Variants in NUP160 observed in about 807,000 individuals in gnomAD.
NUP160 encodes the protein nuclear pore complex protein Nup160.
NUP160 carries 94 observed loss-of-function variants against 196.9 expected under a neutral mutation model. The observed-to-expected ratio is 0.48, with a 90% confidence interval of 0.40 to 0.57. NUP160 has a LOEUF of 0.57. Ranked by LOEUF, NUP160 falls within the 20% of genes least tolerant of loss-of-function variation. The pLI, the probability that NUP160 is intolerant of heterozygous loss-of-function variation, is 0.00. For synonymous variants in NUP160, 605 were observed against 619.7 expected, an observed-to-expected ratio of 0.98 and a Z score of 0.35; for missense variants, 1,638 against 1,748.3, an observed-to-expected ratio of 0.94 and a Z score of 1.13.
intron 23 of NUP160, among the ~76,000 whole-genome samples, chr11:47,801,357 T>C (rs1423296452): frequency 6.6e-5 from 10 of 152,142 alleles, no homozygotes; most frequent in Admixed American, 6.6e-4. Flanking sequence ...AATTTCTTTT[T>C]GTTTTTTTTT....
At chr11:47,813,096 T>A in intron 14 of NUP160, 49 bp from the exon 15 acceptor site, 1 of 1,252,408 alleles carries the variant, frequency 8.0e-7, no homozygotes, top group Non-Finnish European at 1.1e-6. Context: ...AATGACAATC[T>A]ATTGATTGAT....
chr11:47,797,993 C>T lies in NUP160; in HGVS notation c.3168G>A (p.Val1056=), dbSNP rs370192349. 1.1e-5 allele frequency: 17 copies of T among 1,577,254 alleles called. No homozygotes were observed. In the African/African-American group the frequency reaches 1.9e-4, roughly 17 times the overall value. The change falls in exon 26 of 36, where the codon GTG becomes GTA. Residue 1056 remains valine, a synonymous_variant. Transcript: ENST00000378460. ...GTAAAATTACCTCATTATGCAGATT[C>T]ACATAGGGAAACTCTACAAGATCCT...
At chr11:47,837,392 T>C (rs1852197402) in intron 5 of NUP160, among the ~76,000 whole-genome samples, 153 bp downstream of exon 5, 1 of 152,240 alleles carries the variant, frequency 6.6e-6, no homozygotes, top group Non-Finnish European at 1.5e-5. Flanking sequence ...CTCGGGAGTG[T>C]GGCTTTCCTC....
Position 47,837,592 on chromosome 11 carries a change from ACT to A in NUP160, c.778_779del (p.Ser260PhefsTer18). ...CTGTAAGCAATCGTTGCATTACTGA[ACT>A]CTGTTTCAGTTCCACGACTGACACC... is the stretch of plus-strand genomic sequence containing the variant. On this transcript the variant is annotated frameshift_variant, in exon 5 of 36. Coordinates refer to ENST00000378460, the Ensembl canonical transcript of NUP160. LOFTEE classifies it high-confidence loss of function. 1 of 1,614,034 alleles carries A rather than the reference ACT, an allele frequency of 6.2e-7. No homozygotes were observed.
chr11:47,806,227 C>T, exon 20 of NUP160: 2 of 1,613,976 alleles, frequency 1.2e-6, no homozygotes, highest in Middle Eastern at 1.6e-4. Context: ...TCAGAGGTGC[C>T]TTTGGCTGAG....
chr11:47,798,085 A>G lies in NUP160; in HGVS notation c.3087-11T>C. 2.6e-6 allele frequency: 4 copies of G among 1,567,204 alleles called. No homozygotes were observed. Among genetic ancestry groups the G allele is most frequent in the Non-Finnish European group, 3.5e-6 (4 of 1,144,850 alleles). The stretch of plus-strand genomic sequence containing the variant: ...AAACAATCTAATTGCCTAGAAGGAA[A>G]GAAAGGAATATGAGGGCAAACTATC... On this transcript the variant is annotated splice_polypyrimidine_tract_variant and intron_variant, in intron 25 of 35. Transcript: ENST00000378460.
intron 23 of NUP160, among the ~76,000 whole-genome samples, chr11:47,798,941 T>TAAA (rs57343652): frequency 1.8e-5 from 2 of 112,032 alleles, no homozygotes; most frequent in Non-Finnish European, 3.7e-5. Context: ...TCTCTATTAT[T>TAAA]AAAAAAAAAA....
chr11:47,841,744 G>A, intron 2 of NUP160: 1 of 219,820 alleles, frequency 4.5e-6, no homozygotes, highest in South Asian at 6.4e-5. Context: ...CTGGGGTGCA[G>A]TGGTGCAATC....
In NUP160 at chr11:47,803,383, C is replaced by A; in HGVS notation, c.2775+55G>T. On this transcript the variant is annotated intron_variant, in intron 22 of 35. Transcript: ENST00000378460. The stretch of plus-strand genomic sequence containing the variant: ...AAAACCTAGTCAAATGGAAGCTAAG[C>A]AACTTCCTTGCGTTAAAGTTTATAA... 13 of 1,062,258 alleles carry A rather than the reference C, an allele frequency of 1.2e-5. No homozygotes were observed. In the South Asian group the frequency reaches 1.5e-4, roughly 12 times the overall value. 65.8% of individuals were successfully genotyped at this position (1,062,258 alleles called of 1,614,324 possible).
At chr11:47,839,202 T>C (rs968956861) in intron 4 of NUP160, among the ~76,000 whole-genome samples, 2 of 151,992 alleles carry the variant, frequency 1.3e-5, no homozygotes, top group East Asian at 3.9e-4. Context: ...AGCGATTCTC[T>C]TGCCTCAGCC....
At chr11:47,824,602 T>C (rs775956294) in intron 7 of NUP160, among the ~76,000 whole-genome samples, 11 of 151,816 alleles carry the variant, frequency 7.2e-5, no homozygotes, top group Non-Finnish European at 1.5e-4. Context: ...AGAGCGACTC[T>C]ATCTCAAAAA....
chr11:47,825,924 A>T (rs542889047), intron 7 of NUP160, among the ~76,000 whole-genome samples: 1 of 152,194 alleles, frequency 6.6e-6, no homozygotes, highest in South Asian at 2.1e-4. Flanking sequence ...CTGTAAATTG[A>T]TAAGAGTGAT....
intron 22 of NUP160, among the ~76,000 whole-genome samples, chr11:47,802,694 G>A (rs1235553585): frequency 6.6e-6 from 1 of 152,156 alleles, no homozygotes; most frequent in Non-Finnish European, 1.5e-5. Context: ...GTAAATTTGG[G>A]CTGTGTGCAG....
chr11:47,781,521 C>T (rs2097660833), intron 34 of NUP160, among the ~76,000 whole-genome samples: 1 of 152,086 alleles, frequency 6.6e-6, no homozygotes, highest in Non-Finnish European at 1.5e-5. Context: ...ACCTTGACCT[C>T]CGAAAGTGCT....
intron 19 of NUP160, among the ~76,000 whole-genome samples, chr11:47,806,788 TATACAC>T (rs1188849311): frequency 0.043 from 4,526 of 104,558 alleles, 104 homozygotes; most frequent in Middle Eastern, 0.087. Flanking sequence ...GGAAAGCAGC[TATACAC>T]ACACACACAC....
chr11:47,784,350 A>C (rs1266260086), intron 33 of NUP160, among the ~76,000 whole-genome samples: 1 of 152,210 alleles, frequency 6.6e-6, no homozygotes, highest in African/African-American at 2.4e-5. Context: ...AGAAGGAACC[A>C]ATCGGAAACT....
At chr11:47,796,835 G>T (rs1255684241) in intron 27 of NUP160, among the ~76,000 whole-genome samples, 1 of 152,154 alleles carries the variant, frequency 6.6e-6, no homozygotes, top group African/African-American at 2.4e-5. Flanking sequence ...TGAGATTACA[G>T]GCATCCGCCA....
chr11:47,805,102 G>C (rs545013580), intron 20 of NUP160, among the ~76,000 whole-genome samples: 2 of 151,594 alleles, frequency 1.3e-5, no homozygotes, highest in Non-Finnish European at 2.9e-5. Flanking sequence ...CTGGCATATA[G>C]AGTCATTCAA....
At position 47,794,886 on chromosome 11, in the gene NUP160, C is replaced by T. The variant is rs112309056; in HGVS notation, c.3290-1940G>A. On this transcript the variant is annotated intron_variant, in intron 27 of 35. Coordinates refer to ENST00000378460, the Ensembl canonical transcript of NUP160. ...CGAGATTATGCCACTGAACTCCAGC[C>T]TAGACGACAGAGCGGGACTCTGTCT... Among the ~76,000 whole-genome samples, 1,095 of 152,128 alleles carry T rather than the reference C, an allele frequency of 7.2e-3. 17 individuals are homozygous for T. The highest frequency in any genetic ancestry group is 0.024 in the African/African-American group (1,014 of 41,504).
Sources: gnomAD v4.1 joint callset for allele counts (sites outside exome capture counted in the v4.1 genomes callset) on GRCh38, gnomAD v4.1.1 for gene constraint, MANE v1.5 for transcripts, NCBI Gene and HGNC (gene_info 2026-07-23, HGNC 2026-07-21) for gene names.